Variants in CDH13 observed in about 807,000 individuals in gnomAD.
CDH13 encodes the protein cadherin-13.
A neutral mutation model predicts 63.8 loss-of-function variants in CDH13; 24 were observed. The observed-to-expected ratio is 0.38, with a 90% confidence interval of 0.27 to 0.53. The LOEUF is 0.53. Among genes scored for constraint, CDH13 ranks in the 20% least tolerant of loss-of-function variants. CDH13 has a pLI of 0.85. For synonymous variants in CDH13, 503 were observed against 355.3 expected (o/e 1.42, Z -4.67); for missense variants, 1,049 against 903.1 (o/e 1.16, Z -2.07).
chr16:83,516,570 G>C (rs1363191832), intron 7 of CDH13, among the ~76,000 whole-genome samples: 1 of 152,124 alleles, frequency 6.6e-6, no homozygotes, highest in Non-Finnish European at 1.5e-5. Context: ...TCTCTTCCTA[G>C]ACCTGGGATT....
chr16:83,711,402 A>G (rs571529176), intron 10 of CDH13, among the ~76,000 whole-genome samples: 2 of 152,336 alleles, frequency 1.3e-5, no homozygotes, highest in East Asian at 3.9e-4. Context: ...GCTTTATCTT[A>G]GTGTAATCAG....
At chr16:83,275,072 C>T (rs1415648421) in intron 5 of CDH13, among the ~76,000 whole-genome samples, 1 of 152,110 alleles carries the variant, frequency 6.6e-6, no homozygotes, top group Non-Finnish European at 1.5e-5. Flanking sequence ...TACATGAGGG[C>T]AGGGATCGTT....
chr16:83,182,370 A>G (rs2038373520), intron 4 of CDH13, among the ~76,000 whole-genome samples: 1 of 152,216 alleles, frequency 6.6e-6, no homozygotes, highest in Non-Finnish European at 1.5e-5. Context: ...TGCCAGGTTC[A>G]GACCCCTTGG....
chr16:82,733,261 G>A (rs1274064673), intron 1 of CDH13, among the ~76,000 whole-genome samples: 1 of 152,200 alleles, frequency 6.6e-6, no homozygotes, highest in African/African-American at 2.4e-5. Flanking sequence ...TGTCGATTGT[G>A]TGGAGGCTAA....
At chr16:82,780,937 G>A (rs2035724910) in intron 1 of CDH13, among the ~76,000 whole-genome samples, 1 of 152,218 alleles carries the variant, frequency 6.6e-6, no homozygotes, top group African/African-American at 2.4e-5. Context: ...GACTGGACTG[G>A]AGGGAGGAAA....
At chr16:82,904,014 A>G (rs546761828) in intron 2 of CDH13, among the ~76,000 whole-genome samples, 1 of 152,196 alleles carries the variant, frequency 6.6e-6, no homozygotes, top group Non-Finnish European at 1.5e-5. Flanking sequence ...ATTCTCTTCC[A>G]AACTGCTTTT....
At chr16:83,486,755 G>C (rs1046252091) in intron 7 of CDH13, 100 bp downstream of exon 7, 1 of 1,073,542 alleles carries the variant, frequency 9.3e-7, no homozygotes, top group African/African-American at 1.6e-5. Flanking sequence ...TTTTAATACT[G>C]TAAAGGCAGA....
intron 1 of CDH13, among the ~76,000 whole-genome samples, chr16:82,790,602 C>G (rs187660752): frequency 6.6e-6 from 1 of 152,062 alleles, no homozygotes; most frequent in African/African-American, 2.4e-5. Flanking sequence ...TCCCTTCTCA[C>G]GTTGCTTTAA....
intron 2 of CDH13, among the ~76,000 whole-genome samples, chr16:82,888,857 T>G (rs771256834): frequency 4.6e-5 from 7 of 152,212 alleles, no homozygotes; most frequent in Non-Finnish European, 7.3e-5. Flanking sequence ...GTCTGTCTTG[T>G]GGCCGGTTAT....
intron 3 of CDH13, among the ~76,000 whole-genome samples, chr16:83,102,965 T>TTTTTTTTTTTTTTTTC (rs2034570357): frequency 9.3e-6 from 1 of 107,836 alleles, no homozygotes; most frequent in Non-Finnish European, 1.8e-5. Context: ...TTTTTTTTTT[T>TTTTTTTTTTTTTTTTC]TTTTTGAGGT....
intron 3 of CDH13, among the ~76,000 whole-genome samples, chr16:83,121,802 C>T (rs2035589593): frequency 6.6e-6 from 1 of 152,264 alleles, no homozygotes; most frequent in South Asian, 2.1e-4. Flanking sequence ...ATTCATAAAG[C>T]TCTCGATAAA....
chr16:82,887,521 G>A (rs925264657), intron 2 of CDH13, among the ~76,000 whole-genome samples: 1 of 152,126 alleles, frequency 6.6e-6, no homozygotes, highest in African/African-American at 2.4e-5. Context: ...GGTGACATGT[G>A]GGGAGAGGAT....
chr16:83,601,490 C>T (rs977149813), intron 7 of CDH13, among the ~76,000 whole-genome samples: 3 of 152,206 alleles, frequency 2.0e-5, no homozygotes, highest in African/African-American at 7.2e-5. Context: ...TTAAATGCGT[C>T]TTCCACATGT....
intron 4 of CDH13, among the ~76,000 whole-genome samples, chr16:83,205,244 C>A (rs1299821165): frequency 1.3e-5 from 2 of 152,170 alleles, no homozygotes; most frequent in Admixed American, 6.5e-5. Flanking sequence ...AAACACACAG[C>A]ATGCATTAAG....
chr16:83,539,001 T>C (rs1019756454), intron 7 of CDH13, among the ~76,000 whole-genome samples: 8 of 152,152 alleles, frequency 5.3e-5, no homozygotes, highest in African/African-American at 1.9e-4. Flanking sequence ...TTCAGAACTT[T>C]TATTAAACCA....
intron 8 of CDH13, among the ~76,000 whole-genome samples, chr16:83,634,602 T>C (rs1236904818): frequency 1.3e-5 from 2 of 152,074 alleles, no homozygotes; most frequent in Non-Finnish European, 2.9e-5. Flanking sequence ...GGTTTCACCA[T>C]GTTGGCCAGG....
chr16:83,449,261 G>C (rs1457487414), intron 6 of CDH13, among the ~76,000 whole-genome samples: 1 of 152,134 alleles, frequency 6.6e-6, no homozygotes, highest in African/African-American at 2.4e-5. Flanking sequence ...GTTTCTTTGA[G>C]ACCTGAGATG....
chr16:82,880,425 G>T (rs1007020831), intron 2 of CDH13, among the ~76,000 whole-genome samples: 3 of 152,294 alleles, frequency 2.0e-5, no homozygotes, highest in Non-Finnish European at 2.9e-5. Context: ...CCTGCCGAGG[G>T]CCTTCATCTA....
intron 6 of CDH13, among the ~76,000 whole-genome samples, chr16:83,480,544 C>G (rs1406888679): frequency 6.6e-6 from 1 of 152,124 alleles, no homozygotes; most frequent in East Asian, 1.9e-4. Flanking sequence ...TTTGGGGTGG[C>G]CAGTTGAGTG....
Sources: allele counts gnomAD v4.1 joint callset (sites outside exome capture counted in the v4.1 genomes callset), GRCh38; gene constraint gnomAD v4.1.1; transcripts MANE v1.5; gene names NCBI Gene and HGNC (gene_info 2026-07-23, HGNC 2026-07-21).